The following GPR78 variants were observed in gnomAD, a reference collection of about 807,000 sequenced individuals.
GPR78 encodes G protein-coupled receptor 78.
Under a neutral mutation model 17.9 loss-of-function variants are expected in GPR78, and 29 were observed. The observed-to-expected ratio is 1.62, with a 90% CI of 1.20 to 2.21. The LOEUF (loss-of-function observed/expected upper bound fraction) is 2.21. Among genes scored for constraint, GPR78 ranks in the 30% most tolerant of loss-of-function variants. GPR78 has a pLI of 0.00. For missense variants in GPR78, 649 were observed against 530.5 expected, an observed-to-expected ratio of 1.22 and a Z score of -2.19; for synonymous variants, 349 against 256.9, an observed-to-expected ratio of 1.36 and a Z score of -3.43.
intron 2 of GPR78, among the ~76,000 whole-genome samples, chr4:8,586,275 C>T (rs916484457): frequency 6.6e-6 from 1 of 152,210 alleles, no homozygotes; most frequent in Non-Finnish European, 1.5e-5. Flanking sequence ...AGCCCAGTCC[C>T]TTCTACTCTG....
In GPR78 at chr4:8,588,166, T is replaced by G. The variant is rs1713592980; in HGVS notation, c.*803T>G. On this transcript the variant is annotated 3_prime_UTR_variant, in exon 3 of 3. Coordinates refer to ENST00000382487, the MANE Select transcript of GPR78 (RefSeq NM_080819.5). Reference sequence around the variant, plus strand: ...GTTTCCTCCCCCTGAAGGCCACCGCTGGGCCTCTGGATCTTAGACATGAGA... The same window carrying G: ...GTTTCCTCCCCCTGAAGGCCACCGCGGGGCCTCTGGATCTTAGACATGAGA... Among the ~76,000 whole-genome samples, 1 of 152,238 alleles carries G rather than the reference T, an allele frequency of 6.6e-6. No individual in the cohort carries two copies. Among genetic ancestry groups the G allele is most frequent in the East Asian group, 1.9e-4 (1 of 5,198 alleles).
intron 2 of GPR78, among the ~76,000 whole-genome samples, chr4:8,585,614 T>C (rs879879019): frequency 3.3e-5 from 5 of 152,208 alleles, no homozygotes; most frequent in Non-Finnish European, 4.4e-5. Context: ...TTACTGTAAC[T>C]GGATCCTCAC....
chr4:8,586,538 T>A (rs2109301973), intron 2 of GPR78, among the ~76,000 whole-genome samples: 1 of 152,330 alleles, frequency 6.6e-6, no homozygotes, highest in South Asian at 2.1e-4. Context: ...GGTTGACACC[T>A]GTTACTCCAA....
Position 8,587,583 on chromosome 4 carries a change from C to T in GPR78, c.*220C>T. 1.7e-6 allele frequency: 1 copy of T among 600,022 alleles called. No homozygotes were observed. Among genetic ancestry groups the T allele is most frequent in the Non-Finnish European group, 3.0e-6 (1 of 338,950 alleles). The allele number at this position is 600,022 out of a possible 1,614,324, so 37.2% of individuals were successfully genotyped here. A position where few individuals can be genotyped will look rare whatever the true frequency, so the allele number is the denominator to read the frequency against. On this transcript the variant is annotated 3_prime_UTR_variant, in exon 3 of 3. Transcript: ENST00000382487. ...GCTGGGCTGCCTGGCTGCTGGGTGG[C>T]CCCGGGACAGTGGCTTTTCCTCTCT...
Position 8,589,382 on chromosome 4 carries a change from C to T in GPR78, c.*2019C>T, listed in dbSNP as rs1004583265. Among the ~76,000 whole-genome samples, 1 of 152,086 alleles carries T rather than the reference C, an allele frequency of 6.6e-6. No homozygotes were observed. The highest frequency in any genetic ancestry group is 2.4e-5 in the African/African-American group (1 of 41,406). On this transcript the variant is annotated 3_prime_UTR_variant, in exon 3 of 3. Coordinates refer to ENST00000382487, the MANE Select transcript of GPR78 (RefSeq NM_080819.5). ...CAGGGGTTCCAAGCAGGAGGTGGGG[C>T]AGGTGGGCGTCATGCCCTGATTCAC...
At chr4:8,582,995 A>T in intron 2 of GPR78, 1 of 189,318 alleles carries the variant, frequency 5.3e-6, no homozygotes, top group South Asian at 1.5e-4. Context: ...CTGGGCGTGG[A>T]GTTGGGAATC....
rs1713242804 is a variant in GPR78, at chr4:8,580,813, C to T, written c.-170C>T. ...CGCCCTCCCCCCGGGTGCCCCGGAC[C>T]CTGCACTTGCCGCCGCTTTCCTCGC... On this transcript the variant is annotated 5_prime_UTR_variant, in exon 1 of 3. Coordinates refer to ENST00000382487, the MANE Select transcript of GPR78 (RefSeq NM_080819.5). 5 of 684,068 alleles carry T rather than the reference C, an allele frequency of 7.3e-6. No individual in the cohort carries two copies. Among genetic ancestry groups the T allele is most frequent in the Non-Finnish European group, 1.2e-5 (5 of 421,338 alleles). 42.4% of individuals were successfully genotyped at this position (684,068 alleles called of 1,614,324 possible).
Position 8,581,464 on chromosome 4 carries a change from C to G in GPR78, c.482C>G (p.Pro161Arg). Reference sequence around the variant, plus strand: ...TTCGCGTCCTGTTCGCTGCGCCTGCCGCCCGAGCCTGAGCGTCCGCGCTTC... The same window carrying G: ...TTCGCGTCCTGTTCGCTGCGCCTGCGGCCCGAGCCTGAGCGTCCGCGCTTC... ...SAFASCSLRL[P>R]PEPERPRFAA... The change falls in exon 1 of 3, where the codon CCG (proline) becomes CGG (arginine). Residue 161 changes from proline to arginine, a missense_variant. Transcript: ENST00000382487. The G allele has an allele frequency of 3.8e-6, 6 of 1,591,680 alleles. No individual in the cohort carries two copies. Among genetic ancestry groups the G allele is most frequent in the Non-Finnish European group, 5.1e-6 (6 of 1,176,756 alleles).
chr4:8,586,129 C>T (rs1003137441), intron 2 of GPR78, among the ~76,000 whole-genome samples: 1 of 152,110 alleles, frequency 6.6e-6, no homozygotes, highest in Non-Finnish European at 1.5e-5. Flanking sequence ...ACTCTGTGGC[C>T]CCCACCTAAG....
In GPR78 at chr4:8,581,622, C is replaced by T. The variant is rs749267213; in HGVS notation, c.640C>T (p.Leu214Phe). Reference sequence around the variant, plus strand: ...CATGGACACCGTCACCATGAAGGCGCTCGCGCTGCTCGCCGACCTGCACCC... The same window carrying T: ...CATGGACACCGTCACCATGAAGGCGTTCGCGCTGCTCGCCGACCTGCACCC... ...QRMDTVTMKALALLADLHPSV... is the reference protein window; with the variant it reads ...QRMDTVTMKAFALLADLHPSV... The change falls in exon 1 of 3, where the codon CTC (leucine) becomes TTC (phenylalanine). Residue 214 changes from leucine to phenylalanine, a missense_variant. By Grantham distance (22) the Leu-to-Phe change is conservative. Coordinates refer to ENST00000382487, the MANE Select transcript of GPR78 (RefSeq NM_080819.5). The T allele has an allele frequency of 1.9e-5, 29 of 1,499,752 alleles. No individual in the cohort carries two copies. The East Asian group carries it at 6.2e-4, about 32-fold the overall frequency. The allele number at this position is 1,499,752 out of a possible 1,614,324, so 92.9% of individuals were successfully genotyped here.
At chr4:8,586,928 C>T in intron 2 of GPR78, 126 bp from the exon 3 acceptor site, 1 of 803,348 alleles carries the variant, frequency 1.2e-6, no homozygotes, top group Non-Finnish European at 2.0e-6. Context: ...GTGCAGAGCC[C>T]CCTGGCTAGT....
chr4:8,588,090 G>T lies in GPR78; in HGVS notation c.*727G>T, dbSNP rs145900605. Among the ~76,000 whole-genome samples the T allele has an allele frequency of 6.6e-6, 1 of 152,358 alleles. No homozygotes were observed. The highest frequency in any genetic ancestry group is 2.4e-5 in the African/African-American group (1 of 41,584). Reference sequence around the variant, plus strand: ...CTTGACTGCGGAAGCTGTGGAGTCTGTGTGCTCAGAGCCTTTTCTGGTGAA... The same window carrying T: ...CTTGACTGCGGAAGCTGTGGAGTCTTTGTGCTCAGAGCCTTTTCTGGTGAA... On this transcript the variant is annotated 3_prime_UTR_variant, in exon 3 of 3. Transcript: ENST00000382487.
At chr4:8,583,542 G>A (rs1713381334) in intron 2 of GPR78, among the ~76,000 whole-genome samples, 1 of 152,182 alleles carries the variant, frequency 6.6e-6, no homozygotes, top group South Asian at 2.1e-4. Flanking sequence ...CCACCCCAGG[G>A]GAGGGAGCCA....
rs754732242 is a variant in GPR78 at position 8,581,624 on chromosome 4, C to G, written c.642C>G (p.Leu214=). The G allele has an allele frequency of 6.7e-7, 1 of 1,499,538 alleles. No individual in the cohort carries two copies. The highest frequency in any genetic ancestry group is 2.4e-5 in the East Asian group (1 of 41,974). 92.9% of individuals were successfully genotyped at this position (1,499,538 alleles called of 1,614,324 possible). The stretch of plus-strand genomic sequence containing the variant: ...TGGACACCGTCACCATGAAGGCGCT[C>G]GCGCTGCTCGCCGACCTGCACCCCA... ...QRMDTVTMKA[L]ALLADLHPSV... is the part of the protein sequence containing the mutation. Residue 214 remains leucine (L), a synonymous_variant, in exon 1 of 3, where the codon CTC becomes CTG. Coordinates refer to ENST00000382487, the MANE Select transcript of GPR78 (RefSeq NM_080819.5).
Position 8,581,213 on chromosome 4 carries a change from C to A in GPR78, c.231C>A (p.Gly77=), listed in dbSNP as rs772431301. ...GCGGGCGGACACCGTCGGCGCCCGG[C>A]GCATGCCAAGTCATTGGCTTCCTGG... The part of the protein sequence containing the change: ...VMRGRTPSAP[G]ACQVIGFLDT... The change falls in exon 1 of 3, where the codon GGC becomes GGA. Residue 77 remains glycine, a synonymous_variant. Transcript: ENST00000382487. 4 of 1,598,106 alleles carry A rather than the reference C, an allele frequency of 2.5e-6. No individual in the cohort carries two copies. Among genetic ancestry groups the A allele is most frequent in the Non-Finnish European group, 2.5e-6 (3 of 1,177,262 alleles).
rs1202596587 is a variant in GPR78, at chr4:8,581,626, C to A, written c.644C>A (p.Ala215Glu). The part of the protein sequence containing the change: ...RMDTVTMKAL[A>E]LLADLHPSVR... ...GACACCGTCACCATGAAGGCGCTCG[C>A]GCTGCTCGCCGACCTGCACCCCAGG... The change falls in exon 1 of 3, where the codon GCG becomes GAG. Residue 215 changes from alanine to glutamate, a missense_variant. Physicochemically the swap from Ala to Glu is moderately radical, Grantham distance 107 (BLOSUM62 -1). Coordinates refer to ENST00000382487, the MANE Select transcript of GPR78 (RefSeq NM_080819.5). 7 of 1,495,764 alleles carry A rather than the reference C, an allele frequency of 4.7e-6. No homozygotes were observed. Among genetic ancestry groups the A allele is most frequent in the Non-Finnish European group, 6.2e-6 (7 of 1,127,408 alleles). The allele number at this position is 1,495,764 out of a possible 1,614,324, so 92.7% of individuals were successfully genotyped here. A position where few individuals can be genotyped will look rare whatever the true frequency, so the allele number is the denominator to read the frequency against.
At position 8,589,655 on chromosome 4, in the gene GPR78, C is replaced by T. The variant is rs755192053; in HGVS notation, c.*2292C>T. ...CCTACACTCTGTGTTATTGCATCTCCGCCAGGCTAAAAGCCTTGGTCACTA... is the reference window on the plus strand; with the variant it reads ...CCTACACTCTGTGTTATTGCATCTCTGCCAGGCTAAAAGCCTTGGTCACTA... On this transcript the variant is annotated 3_prime_UTR_variant, in exon 3 of 3. Coordinates refer to ENST00000382487, the MANE Select transcript of GPR78 (RefSeq NM_080819.5). Among the ~76,000 whole-genome samples, 11 of 152,374 alleles carry T rather than the reference C, an allele frequency of 7.2e-5. No individual in the cohort carries two copies. Among genetic ancestry groups the T allele is most frequent in the East Asian group, 5.8e-4 (3 of 5,184 alleles).
chr4:8,587,372 C>T lies in GPR78; in HGVS notation c.*9C>T, dbSNP rs1713558209. Reference sequence around the variant, plus strand: ...TGCAGCAGACACACTGAGGGCCTGGCAGGGCTCATCGCCCCCACCTTCTAA... The same window carrying T: ...TGCAGCAGACACACTGAGGGCCTGGTAGGGCTCATCGCCCCCACCTTCTAA... On this transcript the variant is annotated 3_prime_UTR_variant, in exon 3 of 3. Transcript: ENST00000382487. 1.2e-6 allele frequency: 2 copies of T among 1,607,388 alleles called. No individual in the cohort carries two copies. Among genetic ancestry groups the T allele is most frequent in the Admixed American group, 1.7e-5 (1 of 59,880 alleles).
Position 8,588,357 on chromosome 4 carries a change from C to T in GPR78, c.*994C>T, listed in dbSNP as rs557853285. 6.6e-6 allele frequency among the ~76,000 whole-genome samples: 1 copy of T among 152,218 alleles called. No homozygotes were observed. The highest frequency in any genetic ancestry group is 1.5e-5 in the Non-Finnish European group (1 of 68,030). On this transcript the variant is annotated 3_prime_UTR_variant, in exon 3 of 3. Coordinates refer to ENST00000382487, the MANE Select transcript of GPR78 (RefSeq NM_080819.5). ...CCCCAGTTTAGTAATCACGGGGTGCCATTCCCCGGTGGGAGCACCCACCAT... is the reference window on the plus strand; with the variant it reads ...CCCCAGTTTAGTAATCACGGGGTGCTATTCCCCGGTGGGAGCACCCACCAT...
Sources: allele counts gnomAD v4.1 joint callset (sites outside exome capture counted in the v4.1 genomes callset), GRCh38; gene constraint gnomAD v4.1.1; transcripts MANE v1.5; gene names NCBI Gene and HGNC (gene_info 2026-07-23, HGNC 2026-07-21).